NOX4: variants seen among roughly 807,000 people sequenced by gnomAD.
NOX4 encodes the protein NADPH oxidase 4, also known as kidney oxidase-1.
NOX4 carries 69 observed loss-of-function variants against 87.6 expected under a neutral mutation model. The ratio of observed to expected loss-of-function variants is 0.79; its 90% CI spans 0.65 to 0.96. The LOEUF (loss-of-function observed/expected upper bound fraction) is 0.96, where lower values mean the gene tolerates loss of function less well. NOX4 is among the 40% of genes least tolerant of loss of function. The probability of loss-of-function intolerance (pLI) is 0.00; values close to 1 mark genes in which losing one functional copy is unlikely to be tolerated. For missense variants in NOX4, 680 were observed against 681.5 expected (o/e 1.00, Z 0.02); for synonymous variants, 275 against 238.2 (o/e 1.15, Z -1.42).
chr11:89,467,594 T>C (rs1945762506), intron 2 of NOX4, among the ~76,000 whole-genome samples: 1 of 152,122 alleles, frequency 6.6e-6, no homozygotes, highest in African/African-American at 2.4e-5. Context: ...CATCCTCACA[T>C]GGTCACTAAC....
chr11:89,552,939 C>A, the NOX4 span, among the ~76,000 whole-genome samples: 1 of 152,090 alleles, frequency 6.6e-6, no homozygotes, highest in Admixed American at 6.6e-5. Context: ...CCAAAATTAT[C>A]ATCAGTAATA....
intron 14 of NOX4, among the ~76,000 whole-genome samples, chr11:89,341,229 T>G (rs1402740307): frequency 6.6e-6 from 1 of 150,436 alleles, no homozygotes; most frequent in Non-Finnish European, 1.5e-5. Flanking sequence ...TTCAAGAGAT[T>G]CTCATGCCTC....
chr11:89,481,934 A>G (rs1946406422), intron 2 of NOX4, among the ~76,000 whole-genome samples: 1 of 152,100 alleles, frequency 6.6e-6, no homozygotes, highest in Non-Finnish European at 1.5e-5. Context: ...TGTGCAAGGT[A>G]AAGTAGTTCC....
chr11:89,353,582 T>TA (rs1013281268), intron 13 of NOX4, among the ~76,000 whole-genome samples: 11 of 151,978 alleles, frequency 7.2e-5, no homozygotes, highest in South Asian at 4.2e-4. Flanking sequence ...GTGAGAAACT[T>TA]AAAAAAAAGT....
the NOX4 span, among the ~76,000 whole-genome samples, chr11:89,572,641 C>T: frequency 2.6e-5 from 4 of 152,292 alleles, no homozygotes; most frequent in East Asian, 7.7e-4. Flanking sequence ...GCTCCACCTC[C>T]CGGGTTCACG....
chr11:89,393,423 A>G (rs1185163726), intron 11 of NOX4, among the ~76,000 whole-genome samples: 1 of 151,490 alleles, frequency 6.6e-6, no homozygotes, highest in Non-Finnish European at 1.5e-5. Flanking sequence ...CTTTCTGCCT[A>G]TTGGGATCCC....
intron 5 of NOX4, among the ~76,000 whole-genome samples, chr11:89,443,132 A>G (rs1827743071): frequency 1.3e-5 from 2 of 152,132 alleles, no homozygotes; most frequent in South Asian, 4.1e-4. Context: ...CCCATCCAAG[A>G]CTAATTAGAT....
chr11:89,446,943 T>C (rs1249634640), intron 4 of NOX4, among the ~76,000 whole-genome samples: 3 of 152,086 alleles, frequency 2.0e-5, no homozygotes, highest in Non-Finnish European at 2.9e-5. Flanking sequence ...GCAGGGGATG[T>C]TGATAATGGG....
chr11:89,362,173 G>GACACAGACACAGAC (rs936644259), intron 12 of NOX4, among the ~76,000 whole-genome samples: 1 of 146,920 alleles, frequency 6.8e-6, no homozygotes, highest in African/African-American at 2.5e-5. Context: ...CACAGACACA[G>GACACAGACACAGAC]ACACACACAC....
chr11:89,552,990 A>C, the NOX4 span, among the ~76,000 whole-genome samples: 1 of 152,124 alleles, frequency 6.6e-6, no homozygotes, highest in Non-Finnish European at 1.5e-5. Flanking sequence ...TTCTTGAAGC[A>C]ATGTGCTTGG....
intron 2 of NOX4, among the ~76,000 whole-genome samples, chr11:89,475,745 A>T (rs1946139357): frequency 6.6e-6 from 1 of 152,054 alleles, no homozygotes; most frequent in Non-Finnish European, 1.5e-5. Flanking sequence ...ATAGCAATCT[A>T]AGAAATAAGA....
At chr11:89,350,536 G>C (rs950218980) in intron 13 of NOX4, among the ~76,000 whole-genome samples, 3 of 152,130 alleles carry the variant, frequency 2.0e-5, no homozygotes, top group Non-Finnish European at 4.4e-5. Context: ...ATCTATGTTG[G>C]TTATGCAATG....
the NOX4 span, among the ~76,000 whole-genome samples, chr11:89,565,484 TC>T: frequency 6.6e-6 from 1 of 152,124 alleles, no homozygotes; most frequent in Non-Finnish European, 1.5e-5. Context: ...ACTTTTTTCC[TC>T]TTGCCTTCCT....
intron 12 of NOX4, among the ~76,000 whole-genome samples, chr11:89,358,097 T>C (rs185834641): frequency 5.2e-4 from 79 of 151,810 alleles, no homozygotes; most frequent in African/African-American, 1.8e-3. Flanking sequence ...GTCAAAAAGG[T>C]TCATAGGCAG....
At chr11:89,514,277 T>C in the NOX4 span, among the ~76,000 whole-genome samples, 1 of 152,000 alleles carries the variant, frequency 6.6e-6, no homozygotes, top group Admixed American at 6.6e-5. Context: ...GTAAATGGAA[T>C]TGTGTTCTTA....
intron 11 of NOX4, among the ~76,000 whole-genome samples, chr11:89,397,739 C>A (rs1174603792): frequency 6.6e-6 from 1 of 152,064 alleles, no homozygotes; most frequent in East Asian, 1.9e-4. Flanking sequence ...TTCCTCGACA[C>A]ATACACCCTC....
chr11:89,373,429 T>C lies in NOX4; in HGVS notation c.1135+3A>G, dbSNP rs761164744. ...GTATCTTAAAACTGTATGTTCTACA[T>C]ACCTGTCCAGTCTCCTACTATTTTA... On this transcript the variant is annotated splice_donor_region_variant and intron_variant, in intron 12 of 17. Coordinates refer to ENST00000263317, the MANE Select transcript of NOX4 (RefSeq NM_016931.5). The C allele has an allele frequency of 6.4e-7, 1 of 1,558,674 alleles. No homozygotes were observed. Among genetic ancestry groups the C allele is most frequent in the Non-Finnish European group, 8.8e-7 (1 of 1,131,346 alleles).
the NOX4 span, among the ~76,000 whole-genome samples, chr11:89,511,273 G>A: frequency 1.3e-5 from 2 of 151,476 alleles, no homozygotes; most frequent in African/African-American, 2.4e-5. Context: ...TATTCTTTTC[G>A]CAATTTTGGG....
chr11:89,367,325 C>T (rs1397830424), intron 12 of NOX4, among the ~76,000 whole-genome samples: 1 of 152,106 alleles, frequency 6.6e-6, no homozygotes, highest in African/African-American at 2.4e-5. Context: ...CAATCATTCT[C>T]ATAGTTCTGG....
Sources: allele counts gnomAD v4.1 joint callset (sites outside exome capture counted in the v4.1 genomes callset), GRCh38; gene constraint gnomAD v4.1.1; transcripts MANE v1.5; gene names NCBI Gene and HGNC (gene_info 2026-07-23, HGNC 2026-07-21).